The following PRAMEF17 variants were observed in gnomAD, a reference collection of about 807,000 sequenced individuals.
PRAMEF17 encodes the protein PRAME family member 17.
In PRAMEF17, 48 loss-of-function variants were observed where a neutral mutation model predicts 36.8. The ratio of observed to expected loss-of-function variants is 1.30; its 90% confidence interval spans 1.03 to 1.66. PRAMEF17 has a LOEUF of 1.66. PRAMEF17 is among the 40% of genes most tolerant of loss of function. PRAMEF17 has a pLI of 0.00. For synonymous variants in PRAMEF17, 246 were observed against 220.4 expected, an observed-to-expected ratio of 1.12 and a Z score of -1.03; for missense variants, 639 against 560.6, an observed-to-expected ratio of 1.14 and a Z score of -1.41.
chr1:13,390,671 T>G lies in PRAMEF17; in HGVS notation c.618T>G (p.Ser206Arg). ...RNLLKRVYPD[S>R]IQELEIKRKC... ...TATTGAAAAGGGTATACCCAGACAG[T>G]ATCCAGGAGTTGGAAATTAAGAGAA... The change falls in exon 2 of 3, where the codon AGT becomes AGG. Residue 206 changes from serine to arginine, a missense_variant. Physicochemically the swap from Ser to Arg is moderately radical, Grantham distance 110 (BLOSUM62 -1). Coordinates refer to ENST00000376098, the MANE Select transcript of PRAMEF17 (RefSeq NM_001099851.3). 6.2e-7 allele frequency: 1 copy of G among 1,611,986 alleles called. No homozygotes were observed. Among genetic ancestry groups the G allele is most frequent in the Non-Finnish European group, 8.5e-7 (1 of 1,179,860 alleles).
rs747399831 is a variant in PRAMEF17, at chr1:13,392,141, C to T, written c.1064C>T (p.Thr355Met). The T allele has an allele frequency of 1.0e-4, 165 of 1,611,948 alleles. No individual in the cohort carries two copies. The highest frequency in any genetic ancestry group is 1.3e-4 in the Non-Finnish European group (159 of 1,179,828). The part of the protein sequence containing the change: ...EKVAATLEIL[T>M]LKDCQIQDSQ... ...GTTGCTGCTACTCTCGAGATCCTCA[C>T]GTTAAAGGACTGTCAGATCCAGGAC... The change falls in exon 3 of 3, where the codon ACG (threonine) becomes ATG (methionine). Residue 355 changes from threonine to methionine, a missense_variant. Coordinates refer to ENST00000376098, the MANE Select transcript of PRAMEF17 (RefSeq NM_001099851.3).
At chr1:13,391,040 C>A (rs1477067723) in intron 2 of PRAMEF17, 121 bp downstream of exon 2, 1 of 1,423,276 alleles carries the variant, frequency 7.0e-7, no homozygotes, top group South Asian at 1.3e-5. Flanking sequence ...GGGAATGGGA[C>A]GCTAGAATGT....
chr1:13,392,475 G>C lies in PRAMEF17; in HGVS notation c.1398G>C (p.Glu466Asp). The change falls in exon 3 of 3, where the codon GAG becomes GAC. Residue 466 changes from glutamate (E) to aspartate (D), a missense_variant. Coordinates refer to ENST00000376098, the MANE Select transcript of PRAMEF17 (RefSeq NM_001099851.3). ...PCPSCGSWPS[E>D]KVDFHLCS ...CTTCCTGTGGCTCATGGCCATCTGA[G>C]AAAGTGGACTTCCATCTTTGCTCTT... The C allele has an allele frequency of 6.2e-7, 1 of 1,611,918 alleles. No homozygotes were observed. The highest frequency in any genetic ancestry group is 2.2e-5 in the East Asian group (1 of 44,894).
chr1:13,390,879 A>C lies in PRAMEF17; in HGVS notation c.826A>C (p.Lys276Gln). 2.5e-6 allele frequency: 4 copies of C among 1,612,026 alleles called. No homozygotes were observed. In the South Asian group the frequency reaches 4.4e-5, roughly 18 times the overall value. ...LYYPQMLYIR[K>Q]ISNIKEHLEH... is the part of the protein sequence containing the mutation. Reference sequence around the variant, plus strand: ...CTACCCTCAGATGCTTTATATAAGAAAGATCAGTAATATCAAAGAGCACCT... The same window carrying C: ...CTACCCTCAGATGCTTTATATAAGACAGATCAGTAATATCAAAGAGCACCT... Residue 276 changes from lysine to glutamine, a missense_variant, in exon 2 of 3, where the codon AAG becomes CAG. Lys to Gln is a moderately conservative substitution (Grantham distance 53). Coordinates refer to ENST00000376098, the MANE Select transcript of PRAMEF17 (RefSeq NM_001099851.3).
Position 13,390,411 on chromosome 1 carries a change from A to C in PRAMEF17, c.358A>C (p.Arg120=). 3 of 1,611,974 alleles carry C rather than the reference A, an allele frequency of 1.9e-6. No individual in the cohort carries two copies. In the South Asian group the frequency reaches 3.3e-5, roughly 18 times the overall value. ...GNFWTIWSGA[R]ALSCSPEAMS... ...TTTCTGGACTATATGGTCTGGAGCC[A>C]GGGCCCTCTCCTGCTCCCCAGAGGC... The change falls in exon 2 of 3, where the codon AGG becomes CGG. Residue 120 remains arginine, a synonymous_variant. Transcript: ENST00000376098.
chr1:13,392,278 A>T lies in PRAMEF17; in HGVS notation c.1201A>T (p.Thr401Ser). The T allele has an allele frequency of 2.5e-6, 4 of 1,611,998 alleles. No individual in the cohort carries two copies. Among genetic ancestry groups the T allele is most frequent in the Non-Finnish European group, 3.4e-6 (4 of 1,179,852 alleles). ...TNALKDLLCH[T>S]GGLSKLGLEL... ...TGCTCTGAAAGACCTGCTGTGTCAC[A>T]CAGGTGGGCTGAGCAAGTTAGGTCT... is the stretch of plus-strand genomic sequence containing the variant. The change falls in exon 3 of 3, where the codon ACA (threonine) becomes TCA (serine). Residue 401 changes from threonine (T) to serine (S), a missense_variant. Thr to Ser is a moderately conservative substitution (Grantham distance 58). Coordinates refer to ENST00000376098, the MANE Select transcript of PRAMEF17 (RefSeq NM_001099851.3).
chr1:13,389,860 C>A lies in PRAMEF17; in HGVS notation c.203C>A (p.Ser68Tyr). The A allele has an allele frequency of 1.9e-6, 3 of 1,613,652 alleles. No individual in the cohort carries two copies. Among genetic ancestry groups the A allele is most frequent in the East Asian group, 4.5e-5 (2 of 44,866 alleles). ...CCCTTCCTCCGCCTCCCTCTGGGAT[C>A]CCTGATGAAGACACCTCATCTGGAG... ...AWPFLRLPLG[S>Y]LMKTPHLETL... Residue 68 changes from serine to tyrosine, a missense_variant, in exon 1 of 3, where the codon TCC becomes TAC. By Grantham distance (144) the Ser-to-Tyr change is moderately radical. Coordinates refer to ENST00000376098, the MANE Select transcript of PRAMEF17 (RefSeq NM_001099851.3).
Position 13,389,741 on chromosome 1 carries a change from G to A in PRAMEF17, c.84G>A (p.Leu28=). 1.9e-6 allele frequency: 3 copies of A among 1,612,310 alleles called. No homozygotes were observed. Among genetic ancestry groups the A allele is most frequent in the Non-Finnish European group, 2.5e-6 (3 of 1,180,006 alleles). Residue 28 remains leucine, a synonymous_variant, in exon 1 of 3, where the codon CTG becomes CTA. Transcript: ENST00000376098. ...LRNQFLTIFI[L]DELPREVFPL... is the part of the protein sequence containing the mutation. ...ACCAGTTCTTGACCATCTTCATCCT[G>A]GACGAGCTGCCCAGGGAGGTCTTCC...
intron 1 of PRAMEF17, among the ~76,000 whole-genome samples, 194 bp from the exon 2 acceptor site, chr1:13,390,147 T>G (rs1229790715): frequency 6.6e-6 from 1 of 151,988 alleles, no homozygotes; most frequent in African/African-American, 2.4e-5. Context: ...GGAACCTGCT[T>G]CCTCCCAGTG....
At position 13,390,806 on chromosome 1, in the gene PRAMEF17, C is replaced by A. The variant is rs1640870749; in HGVS notation, c.753C>A (p.Gly251=). 11 of 1,611,986 alleles carry A rather than the reference C, an allele frequency of 6.8e-6. No homozygotes were observed. The highest frequency in any genetic ancestry group is 9.3e-6 in the Non-Finnish European group (11 of 1,179,860). ...FGYDDELYVS[G]QQQFVPDLDC... is the part of the protein sequence containing the mutation. ...ATGACGATGAGTTATATGTAAGCGGCCAACAGCAGTTCGTTCCTGACTTGG... is the reference window on the plus strand; with the variant it reads ...ATGACGATGAGTTATATGTAAGCGGACAACAGCAGTTCGTTCCTGACTTGG... The change falls in exon 2 of 3, where the codon GGC becomes GGA. Residue 251 remains glycine (G), a synonymous_variant. Coordinates refer to ENST00000376098, the MANE Select transcript of PRAMEF17 (RefSeq NM_001099851.3).
chr1:13,390,509 C>A lies in PRAMEF17; in HGVS notation c.456C>A (p.Asp152Glu). 6.2e-7 allele frequency: 1 copy of A among 1,611,968 alleles called. No homozygotes were observed. Among genetic ancestry groups the A allele is most frequent in the Non-Finnish European group, 8.5e-7 (1 of 1,179,852 alleles). Residue 152 changes from aspartate (D) to glutamate (E), a missense_variant, in exon 2 of 3, where the codon GAC (aspartate) becomes GAA (glutamate). Asp to Glu is a conservative substitution (Grantham distance 45, BLOSUM62 2). Transcript: ENST00000376098. ...GEHQPLKVFI[D>E]LCQKESTLDE... ...ACCAGCCCTTGAAGGTGTTCATAGA[C>A]CTCTGCCAAAAGGAAAGTACACTGG...
Position 13,392,521 on chromosome 1 carries a change from G to GA in PRAMEF17, c.*20dup. On this transcript the variant is annotated 3_prime_UTR_variant, in exon 3 of 3. Transcript: ENST00000376098. ...CTCTTAGTGAAGGCCTGATTAGTGG[G>GA]ATGGATATGCTTTCTTCAGGACCCT... 6.2e-7 allele frequency: 1 copy of GA among 1,611,904 alleles called. No homozygotes were observed. Among genetic ancestry groups the GA allele is most frequent in the Non-Finnish European group, 8.5e-7 (1 of 1,179,852 alleles).
Position 13,389,987 on chromosome 1 carries a change from C to A in PRAMEF17, c.287+43C>A, listed in dbSNP as rs1159704361. 20 of 1,611,978 alleles carry A rather than the reference C, an allele frequency of 1.2e-5. 1 individual carries two copies. In the South Asian group the frequency reaches 2.2e-4, roughly 18 times the overall value. ...GCCTGGTGGGAAGGGTCCAGGCATC[C>A]AGGGAAGGGACAGCTGGCTCAGGAG... On this transcript the variant is annotated intron_variant, in intron 1 of 2. Coordinates refer to ENST00000376098, the MANE Select transcript of PRAMEF17 (RefSeq NM_001099851.3).
rs1488818330 is a variant in PRAMEF17, at chr1:13,389,951, T to A, written c.287+7T>A. 8.1e-6 allele frequency: 13 copies of A among 1,612,136 alleles called. No individual in the cohort carries two copies. In the East Asian group the frequency reaches 2.7e-4, roughly 33 times the overall value. The stretch of plus-strand genomic sequence containing the variant: ...CCCAGAAGCTTCGCCCCAGGTGAGG[T>A]GACTCAGGTGGCCTGGTGGGAAGGG... On this transcript the variant is annotated splice_region_variant and intron_variant, in intron 1 of 2. Coordinates refer to ENST00000376098, the MANE Select transcript of PRAMEF17 (RefSeq NM_001099851.3).
intron 1 of PRAMEF17, among the ~76,000 whole-genome samples, 196 bp from the exon 2 acceptor site, chr1:13,390,145 C>T (rs1379870851): frequency 6.6e-6 from 1 of 152,128 alleles, no homozygotes; most frequent in Non-Finnish European, 1.5e-5. Flanking sequence ...CAGGAACCTG[C>T]TTCCTCCCAG....
At position 13,392,076 on chromosome 1, in the gene PRAMEF17, G is replaced by A. The variant is rs1640892343; in HGVS notation, c.999G>A (p.Trp333Ter). The A allele has an allele frequency of 6.2e-7, 1 of 1,611,700 alleles. No homozygotes were observed. The highest frequency in any genetic ancestry group is 8.5e-7 in the Non-Finnish European group (1 of 1,179,820). The change falls in exon 3 of 3, where the codon TGG becomes TGA. Residue 333 changes from tryptophan (W) to a stop codon, truncating the protein, a stop_gained. Coordinates refer to ENST00000376098, the MANE Select transcript of PRAMEF17 (RefSeq NM_001099851.3). LOFTEE classifies it high-confidence loss of function. ...TGCATCTGATTCATATCCTAATGTGGACTACCAATCTTGAGCCCCTTGGAG... is the reference window on the plus strand; with the variant it reads ...TGCATCTGATTCATATCCTAATGTGAACTACCAATCTTGAGCCCCTTGGAG... ...KELHLIHILM[W>*]TTNLEPLGAL...
Position 13,390,924 on chromosome 1 carries a change from G to C in PRAMEF17, c.866+5G>C. On this transcript the variant is annotated splice_donor_5th_base_variant and intron_variant, in intron 2 of 2. Transcript: ENST00000376098. The stretch of plus-strand genomic sequence containing the variant: ...GCACCTGGAGCACCTGCTCAGGTAA[G>C]AAAGGATGGTGAGCTTTCTCTGCAG... The C allele has an allele frequency of 6.2e-7, 1 of 1,612,018 alleles. No individual in the cohort carries two copies. Among genetic ancestry groups the C allele is most frequent in the Non-Finnish European group, 8.5e-7 (1 of 1,179,866 alleles).
Position 13,392,144 on chromosome 1 carries a change from T to C in PRAMEF17, c.1067T>C (p.Leu356Ser). ...GCTGCTACTCTCGAGATCCTCACGT[T>C]AAAGGACTGTCAGATCCAGGACTCC... ...KVAATLEILT[L>S]KDCQIQDSQL... The change falls in exon 3 of 3, where the codon TTA becomes TCA. Residue 356 changes from leucine to serine, a missense_variant. Physicochemically the swap from Leu to Ser is moderately radical, Grantham distance 145. Transcript: ENST00000376098. 1 of 1,611,910 alleles carries C rather than the reference T, an allele frequency of 6.2e-7. No homozygotes were observed. The highest frequency in any genetic ancestry group is 8.5e-7 in the Non-Finnish European group (1 of 1,179,840).
Position 13,392,463 on chromosome 1 carries a change from A to T in PRAMEF17, c.1386A>T (p.Ser462=), listed in dbSNP as rs764756498. Residue 462 remains serine, a synonymous_variant, in exon 3 of 3, where the codon TCA becomes TCT. Coordinates refer to ENST00000376098, the MANE Select transcript of PRAMEF17 (RefSeq NM_001099851.3). ...CCATCCCCTGCCCTTCCTGTGGCTC[A>T]TGGCCATCTGAGAAAGTGGACTTCC... ...FGPIPCPSCG[S]WPSEKVDFHL... 3 of 1,612,008 alleles carry T rather than the reference A, an allele frequency of 1.9e-6. No homozygotes were observed. Among genetic ancestry groups the T allele is most frequent in the East Asian group, 2.2e-5 (1 of 44,878 alleles).
Sources: gnomAD v4.1 joint callset for allele counts (sites outside exome capture counted in the v4.1 genomes callset) on GRCh38, gnomAD v4.1.1 for gene constraint, MANE v1.5 for transcripts, NCBI Gene and HGNC (gene_info 2026-07-23, HGNC 2026-07-21) for gene names.